The following ADGRB3 variants were observed in gnomAD, a reference collection of about 807,000 sequenced individuals.
ADGRB3 encodes the protein brain-specific angiogenesis inhibitor 3.
A neutral mutation model predicts 193.4 loss-of-function variants in ADGRB3; 37 were observed. The observed-to-expected ratio is 0.19, with a 90% CI of 0.15 to 0.25. The LOEUF is 0.25. Ranked by LOEUF, ADGRB3 falls within the 10% of genes least tolerant of loss-of-function variation. The pLI, the probability that ADGRB3 is intolerant of heterozygous loss-of-function variation, is 1.00. For synonymous variants in ADGRB3, 690 were observed against 644.2 expected (o/e 1.07, Z -1.08); for missense variants, 1,637 against 1,852.9 (o/e 0.88, Z 2.14).
In ADGRB3 at chr6:69,277,261, G is replaced by T. The variant is rs575027792; in HGVS notation, c.2814+38035G>T. The stretch of plus-strand genomic sequence containing the variant: ...GCCCACCTCAGCCTCCCAAAGTGCT[G>T]GGATTACAGGTGTGAGCCATGGCGC... On this transcript the variant is annotated intron_variant, in intron 20 of 31. Coordinates refer to ENST00000370598, the MANE Select transcript of ADGRB3 (RefSeq NM_001704.3). Among the ~76,000 whole-genome samples, 4 of 152,134 alleles carry T rather than the reference G, an allele frequency of 2.6e-5. No homozygotes were observed. In the East Asian group the frequency reaches 7.8e-4, roughly 30 times the overall value.
At chr6:68,918,503 C>A (rs1236539382) in intron 3 of ADGRB3, among the ~76,000 whole-genome samples, 1 of 152,154 alleles carries the variant, frequency 6.6e-6, no homozygotes, top group Non-Finnish European at 1.5e-5. Flanking sequence ...GAATTTATAA[C>A]CCTAGCATTG....
At chr6:69,019,831 A>G (rs1461725855) in intron 13 of ADGRB3, among the ~76,000 whole-genome samples, 1 of 152,042 alleles carries the variant, frequency 6.6e-6, no homozygotes, top group Non-Finnish European at 1.5e-5. Context: ...AAAAGAGACA[A>G]AAGATGGTAT....
chr6:68,953,883 CTT>C (rs1028369194), intron 6 of ADGRB3, among the ~76,000 whole-genome samples: 1 of 152,122 alleles, frequency 6.6e-6, no homozygotes, highest in African/African-American at 2.4e-5. Flanking sequence ...TATTTTGAAA[CTT>C]TAGATTTGTG....
At position 68,975,332 on chromosome 6, in the gene ADGRB3, C is replaced by G; in HGVS notation, c.1726C>G (p.Gln576Glu). The change falls in exon 10 of 32, where the codon CAG becomes GAG. Residue 576 changes from glutamine to glutamate, a missense_variant. This residue lies in a region of ADGRB3 where 641 missense variants were observed against 673.9 expected (regional missense o/e 0.95). Transcript: ENST00000370598. ...CATATCAAATGAGTACAGACACTTG[C>G]AGCATTCAGTAGGTGCAAAGCCAGC... ...RCISNEYRHLQHSIKEHLAKG... is the reference protein window; with the variant it reads ...RCISNEYRHLEHSIKEHLAKG... The G allele has an allele frequency of 6.2e-7, 1 of 1,612,880 alleles. No homozygotes were observed. Among genetic ancestry groups the G allele is most frequent in the South Asian group, 1.1e-5 (1 of 91,030 alleles).
chr6:68,823,379 G>A (rs150328417), intron 3 of ADGRB3, among the ~76,000 whole-genome samples: 1 of 151,992 alleles, frequency 6.6e-6, no homozygotes, highest in African/African-American at 2.4e-5. Context: ...GGAACTGACA[G>A]ACTAGATGGT....
At chr6:68,756,084 A>G (rs1766293491) in intron 3 of ADGRB3, among the ~76,000 whole-genome samples, 1 of 152,162 alleles carries the variant, frequency 6.6e-6, no homozygotes, top group African/African-American at 2.4e-5. Context: ...ATTAATGGGC[A>G]CATTGGCATG....
At chr6:69,293,293 A>G (rs762073456) in intron 20 of ADGRB3, among the ~76,000 whole-genome samples, 3 of 152,012 alleles carry the variant, frequency 2.0e-5, no homozygotes, top group Non-Finnish European at 2.9e-5. Flanking sequence ...TCTCTTACTT[A>G]TTAAGGAGTG....
intron 10 of ADGRB3, among the ~76,000 whole-genome samples, chr6:68,979,308 G>A (rs1386288217): frequency 6.6e-6 from 1 of 151,328 alleles, no homozygotes; most frequent in East Asian, 1.9e-4. Context: ...CCACATGAAA[G>A]GAACAAGTAT....
At chr6:68,917,119 C>G (rs565341412) in intron 3 of ADGRB3, among the ~76,000 whole-genome samples, 1 of 152,158 alleles carries the variant, frequency 6.6e-6, no homozygotes, top group South Asian at 2.1e-4. Context: ...ACTGATTTTA[C>G]AGATTTGGAA....
intron 16 of ADGRB3, among the ~76,000 whole-genome samples, chr6:69,072,702 G>T (rs984592654): frequency 6.6e-6 from 1 of 152,076 alleles, no homozygotes; most frequent in Non-Finnish European, 1.5e-5. Flanking sequence ...AGCTGCACTT[G>T]GTTTCTATAT....
chr6:69,387,062 T>C (rs1466088328), intron 31 of ADGRB3, among the ~76,000 whole-genome samples: 1 of 152,132 alleles, frequency 6.6e-6, no homozygotes, highest in African/African-American at 2.4e-5. Flanking sequence ...TGCCAACTCC[T>C]TGGCCCACAA....
chr6:68,916,951 A>G (rs757047437), intron 3 of ADGRB3, among the ~76,000 whole-genome samples: 3 of 152,188 alleles, frequency 2.0e-5, no homozygotes, highest in Non-Finnish European at 2.9e-5. Flanking sequence ...TTTACCTTGT[A>G]AAGGATCTGT....
chr6:68,926,952 A>G (rs1045891235), intron 3 of ADGRB3, among the ~76,000 whole-genome samples: 1 of 152,148 alleles, frequency 6.6e-6, no homozygotes, highest in Non-Finnish European at 1.5e-5. Flanking sequence ...TTTTTCTTTC[A>G]TGTAACTTTG....
chr6:68,902,513 AAT>A lies in ADGRB3; in HGVS notation c.758-28044_758-28043del, dbSNP rs61419630. 1.6e-3 allele frequency among the ~76,000 whole-genome samples: 248 copies of A among 152,180 alleles called. 3 individuals are homozygous for A. Among genetic ancestry groups the A allele is most frequent in the African/African-American group, 5.8e-3 (239 of 41,558 alleles). On this transcript the variant is annotated intron_variant, in intron 3 of 31. Transcript: ENST00000370598. ...CTAGAAAAATTTTAAAATGCCCCTA[AAT>A]AAATATAGAATAAGAGGATTTAAAG... is the stretch of plus-strand genomic sequence containing the variant.
chr6:68,913,422 C>T (rs1208531335), intron 3 of ADGRB3, among the ~76,000 whole-genome samples: 1 of 151,562 alleles, frequency 6.6e-6, no homozygotes, highest in East Asian at 1.9e-4. Context: ...GCTGCTGATA[C>T]AGGCAGACAG....
At chr6:68,667,157 A>G (rs1478203988) in intron 3 of ADGRB3, among the ~76,000 whole-genome samples, 1 of 151,892 alleles carries the variant, frequency 6.6e-6, no homozygotes, top group Non-Finnish European at 1.5e-5. Context: ...TATAAAATAT[A>G]AAGATCAAAC....
intron 17 of ADGRB3, among the ~76,000 whole-genome samples, chr6:69,103,836 T>C (rs1182292145): frequency 2.0e-5 from 3 of 151,404 alleles, no homozygotes; most frequent in South Asian, 4.1e-4. Flanking sequence ...AGCATTTCTG[T>C]TTAAAAATTA....
intron 17 of ADGRB3, among the ~76,000 whole-genome samples, chr6:69,215,108 A>T (rs1177325674): frequency 1.3e-5 from 2 of 152,178 alleles, no homozygotes; most frequent in Admixed American, 6.5e-5. Context: ...ACTGTCCCAG[A>T]TTGGACATTG....
At chr6:69,146,845 T>C (rs1262809410) in intron 17 of ADGRB3, among the ~76,000 whole-genome samples, 14 of 116,850 alleles carry the variant, frequency 1.2e-4, no homozygotes, top group Admixed American at 3.8e-4. Flanking sequence ...TTTTTTTTGG[T>C]CTTTTCAGGT....
Sources: gnomAD v4.1 joint callset for allele counts (sites outside exome capture counted in the v4.1 genomes callset) on GRCh38, gnomAD v4.1.1 for gene constraint, gnomAD v4.1.1 regional missense constraint, MANE v1.5 for transcripts, NCBI Gene and HGNC (gene_info 2026-07-23, HGNC 2026-07-21) for gene names.